The following FHOD3 variants were observed in gnomAD, a reference collection of about 807,000 sequenced individuals.
The protein encoded by FHOD3 is formin homology 2 domain containing 3, also known as FH1/FH2 domain-containing protein 3.
A neutral mutation model predicts 173.0 loss-of-function variants in FHOD3; 90 were observed. The ratio of observed to expected loss-of-function variants is 0.52; its 90% CI spans 0.44 to 0.62. FHOD3 has a LOEUF of 0.62. FHOD3 is among the 20% of genes least tolerant of loss of function. FHOD3 has a pLI of 0.00. For synonymous variants in FHOD3, 828 were observed against 823.0 expected, an observed-to-expected ratio of 1.01 and a Z score of -0.10; for missense variants, 1,945 against 2,034.7, an observed-to-expected ratio of 0.96 and a Z score of 0.85.
At chr18:36,299,976 A>G (rs1015656101) in intron 1 of FHOD3, among the ~76,000 whole-genome samples, 14 of 152,340 alleles carry the variant, frequency 9.2e-5, no homozygotes, top group African/African-American at 3.4e-4. Flanking sequence ...TCATATTGTT[A>G]AGATGATACT....
At chr18:36,467,972 G>T (rs2053045173) in intron 3 of FHOD3, among the ~76,000 whole-genome samples, 1 of 152,238 alleles carries the variant, frequency 6.6e-6, no homozygotes, top group African/African-American at 2.4e-5. Flanking sequence ...CAAATGATTT[G>T]CACAGTCTGA....
intron 3 of FHOD3, among the ~76,000 whole-genome samples, chr18:36,417,746 C>T (rs754362051): frequency 1.3e-5 from 2 of 152,058 alleles, no homozygotes; most frequent in East Asian, 1.9e-4. Context: ...TAAAAAAGGA[C>T]GATAGCAAAT....
intron 3 of FHOD3, among the ~76,000 whole-genome samples, chr18:36,469,084 G>A (rs1414302986): frequency 6.6e-6 from 1 of 152,106 alleles, no homozygotes; most frequent in Non-Finnish European, 1.5e-5. Context: ...ATACTTGGGG[G>A]TCTTTCCCCT....
chr18:36,706,832 T>G (rs546724507), intron 17 of FHOD3, among the ~76,000 whole-genome samples: 2 of 152,324 alleles, frequency 1.3e-5, no homozygotes, highest in East Asian at 3.9e-4. Flanking sequence ...GCTGGGCTGT[T>G]GGAAACACAT....
intron 17 of FHOD3, among the ~76,000 whole-genome samples, chr18:36,696,634 T>C (rs1262257254): frequency 6.6e-6 from 1 of 152,230 alleles, no homozygotes; most frequent in Non-Finnish European, 1.5e-5. Context: ...GTATGAATGA[T>C]GCCCCTAATC....
intron 3 of FHOD3, among the ~76,000 whole-genome samples, chr18:36,433,427 A>G (rs750118604): frequency 6.6e-6 from 1 of 152,218 alleles, no homozygotes; most frequent in Non-Finnish European, 1.5e-5. Context: ...GAATTTCACC[A>G]AACTCCCTGT....
intron 6 of FHOD3, among the ~76,000 whole-genome samples, chr18:36,580,582 T>C (rs2058813649): frequency 6.6e-6 from 1 of 152,260 alleles, no homozygotes; most frequent in Admixed American, 6.5e-5. Context: ...ACAAAGGCAG[T>C]AGCTGCCAAG....
chr18:36,722,274 G>A (rs1400711913), intron 19 of FHOD3, among the ~76,000 whole-genome samples: 1 of 152,114 alleles, frequency 6.6e-6, no homozygotes, highest in Non-Finnish European at 1.5e-5. Flanking sequence ...GACTTCCTTG[G>A]GCTTGACATC....
chr18:36,446,886 A>G (rs2051515403), intron 3 of FHOD3, among the ~76,000 whole-genome samples: 1 of 152,008 alleles, frequency 6.6e-6, no homozygotes, highest in Admixed American at 6.6e-5. Context: ...CTTCACTAAA[A>G]ACTTCTAAAA....
chr18:36,674,592 C>T (rs1483137757), intron 14 of FHOD3, among the ~76,000 whole-genome samples: 2 of 152,088 alleles, frequency 1.3e-5, no homozygotes, highest in East Asian at 3.9e-4. Context: ...TTTAAATTCC[C>T]TTTGTGGTTC....
intron 18 of FHOD3, chr18:36,711,410 G>A (rs2040165230): frequency 6.6e-6 from 1 of 152,186 alleles, no homozygotes; most frequent in Non-Finnish European, 1.5e-5. Context: ...TGTTTAATGT[G>A]TTCTACTTTA....
intron 5 of FHOD3, among the ~76,000 whole-genome samples, chr18:36,532,656 T>C (rs192113008): frequency 2.0e-5 from 3 of 152,308 alleles, no homozygotes; most frequent in Admixed American, 2.0e-4. Flanking sequence ...CCTCTTTGTG[T>C]GAAGAATCAG....
At chr18:36,363,662 T>C (rs2046745225) in intron 2 of FHOD3, among the ~76,000 whole-genome samples, 1 of 152,064 alleles carries the variant, frequency 6.6e-6, no homozygotes, top group South Asian at 2.1e-4. Context: ...TAGGGAGGGA[T>C]GAACAGGTGG....
At chr18:36,776,792 C>A (rs550325082) in intron 28 of FHOD3, among the ~76,000 whole-genome samples, 2 of 152,250 alleles carry the variant, frequency 1.3e-5, no homozygotes, top group East Asian at 1.9e-4. Flanking sequence ...CATGAGTAGA[C>A]CCACGAGGGA....
chr18:36,590,600 C>T (rs2059183768), intron 6 of FHOD3, among the ~76,000 whole-genome samples: 1 of 152,134 alleles, frequency 6.6e-6, no homozygotes, highest in East Asian at 1.9e-4. Context: ...CATAGTAAAG[C>T]TTCCAAAGGT....
intron 3 of FHOD3, among the ~76,000 whole-genome samples, chr18:36,425,478 C>A (rs2050191337): frequency 6.6e-6 from 1 of 152,092 alleles, no homozygotes; most frequent in East Asian, 1.9e-4. Context: ...TATGTTCTAA[C>A]AACCTTTAAT....
At chr18:36,570,391 A>C (rs2058412585) in intron 5 of FHOD3, among the ~76,000 whole-genome samples, 1 of 152,136 alleles carries the variant, frequency 6.6e-6, no homozygotes, top group Non-Finnish European at 1.5e-5. Flanking sequence ...CTATTAAAGA[A>C]ATTTAATTTG....
intron 22 of FHOD3, among the ~76,000 whole-genome samples, chr18:36,743,144 C>T (rs1275880633): frequency 6.6e-6 from 1 of 151,896 alleles, no homozygotes; most frequent in Non-Finnish European, 1.5e-5. Context: ...CCTGTCTCTA[C>T]TAAAAATACA....
chr18:36,555,960 C>T (rs971023220), intron 5 of FHOD3, among the ~76,000 whole-genome samples: 1 of 151,996 alleles, frequency 6.6e-6, no homozygotes, highest in Non-Finnish European at 1.5e-5. Context: ...TTCTGTAGGA[C>T]TCATGTAATC....
Sources: allele counts gnomAD v4.1 joint callset (sites outside exome capture counted in the v4.1 genomes callset), GRCh38; gene constraint gnomAD v4.1.1; transcripts MANE v1.5; gene names NCBI Gene and HGNC (gene_info 2026-07-23, HGNC 2026-07-21).